GALNT1: variants seen among roughly 807,000 people sequenced by gnomAD.
GALNT1 encodes polypeptide N-acetylgalactosaminyltransferase 1, also known as GalNAc transferase 1.
In GALNT1, 17 loss-of-function variants were observed where a neutral mutation model predicts 65.7. The ratio of observed to expected loss-of-function variants is 0.26; its 90% CI spans 0.18 to 0.39. The LOEUF (loss-of-function observed/expected upper bound fraction) is 0.39, where lower values mean the gene tolerates loss of function less well. Ranked by LOEUF, GALNT1 falls within the 10% of genes least tolerant of loss-of-function variation. GALNT1 has a pLI of 1.00. For missense variants in GALNT1, 460 were observed against 672.8 expected (o/e 0.68, Z 3.50); for synonymous variants, 210 against 219.7 (o/e 0.96, Z 0.39).
chr18:35,640,806 C>G (rs947117174), intron 1 of GALNT1, among the ~76,000 whole-genome samples: 2 of 152,144 alleles, frequency 1.3e-5, no homozygotes, highest in Non-Finnish European at 2.9e-5. Context: ...TATTACACTC[C>G]TTTAGAGAGA....
chr18:35,632,828 T>C (rs1021365083), intron 1 of GALNT1, among the ~76,000 whole-genome samples: 1 of 152,104 alleles, frequency 6.6e-6, no homozygotes, highest in Non-Finnish European at 1.5e-5. Flanking sequence ...ATCCAGAATC[T>C]ACAAAGAACT....
intron 1 of GALNT1, among the ~76,000 whole-genome samples, chr18:35,633,710 G>A (rs2047052108): frequency 6.6e-6 from 1 of 151,910 alleles, no homozygotes; most frequent in Admixed American, 6.6e-5. Context: ...AAAAAATTAT[G>A]TTGATTGGAC....
At chr18:35,597,053 GAA>G (rs1458400023) in intron 1 of GALNT1, 1 of 152,232 alleles carries the variant, frequency 6.6e-6, no homozygotes, top group African/African-American at 2.4e-5. Flanking sequence ...CAGATTAGTG[GAA>G]ACTAAGGCAA....
chr18:35,614,368 A>G (rs562755322), intron 1 of GALNT1, among the ~76,000 whole-genome samples: 1 of 152,346 alleles, frequency 6.6e-6, no homozygotes, highest in East Asian at 1.9e-4. Flanking sequence ...TAAAATATAC[A>G]GAAAAAGAAT....
At chr18:35,613,885 A>C (rs943029398) in intron 1 of GALNT1, among the ~76,000 whole-genome samples, 4 of 152,016 alleles carry the variant, frequency 2.6e-5, no homozygotes, top group African/African-American at 2.4e-5. Context: ...GGAAAAAAAA[A>C]CAACCAAGCC....
chr18:35,604,023 C>T (rs1359074957), intron 1 of GALNT1, among the ~76,000 whole-genome samples: 2 of 152,052 alleles, frequency 1.3e-5, no homozygotes, highest in Admixed American at 6.6e-5. Flanking sequence ...TCTTTCATCA[C>T]CCATGTAGTG....
chr18:35,663,709 A>G lies in GALNT1; in HGVS notation c.221A>G (p.Lys74Arg). ...GTCATTCCTAAAGAGGATCAAGAAAAGATGAAAGAGATGTTTAAAATCAAT... is the reference window on the plus strand; with the variant it reads ...GTCATTCCTAAAGAGGATCAAGAAAGGATGAAAGAGATGTTTAAAATCAAT... ...PVVIPKEDQE[K>R]MKEMFKINQF... The change falls in exon 3 of 12, where the codon AAG (lysine) becomes AGG (arginine). Residue 74 changes from lysine (K) to arginine (R), a missense_variant. By Grantham distance (26) the Lys-to-Arg change is conservative. Coordinates refer to ENST00000269195, the MANE Select transcript of GALNT1 (RefSeq NM_020474.4). The G allele has an allele frequency of 6.2e-7, 1 of 1,614,060 alleles. No individual in the cohort carries two copies. Among genetic ancestry groups the G allele is most frequent in the Non-Finnish European group, 8.5e-7 (1 of 1,179,926 alleles).
intron 9 of GALNT1, among the ~76,000 whole-genome samples, chr18:35,697,554 A>T (rs1000787187): frequency 1.3e-5 from 2 of 152,168 alleles, no homozygotes; most frequent in Non-Finnish European, 2.9e-5. Flanking sequence ...ATCATAAAAC[A>T]CCTTTTTTAT....
intron 1 of GALNT1, among the ~76,000 whole-genome samples, chr18:35,637,403 G>A (rs1199825162): frequency 6.6e-6 from 1 of 152,184 alleles, no homozygotes. Flanking sequence ...TGATAAGAAA[G>A]CAGAACAGCT....
At chr18:35,631,888 T>C (rs2047016795) in intron 1 of GALNT1, among the ~76,000 whole-genome samples, 1 of 152,140 alleles carries the variant, frequency 6.6e-6, no homozygotes, top group African/African-American at 2.4e-5. Flanking sequence ...TGTGCAAAAA[T>C]CACAAGCATT....
chr18:35,604,401 A>G (rs567709940), intron 1 of GALNT1, among the ~76,000 whole-genome samples: 2 of 152,182 alleles, frequency 1.3e-5, no homozygotes, highest in Non-Finnish European at 1.5e-5. Context: ...ATGTGTCTTT[A>G]TGGTAGAATG....
chr18:35,670,548 A>T (rs563541874), intron 3 of GALNT1, among the ~76,000 whole-genome samples: 21 of 152,336 alleles, frequency 1.4e-4, no homozygotes, highest in African/African-American at 4.8e-4. Context: ...CAGACTCCTT[A>T]ATATTATAAA....
intron 1 of GALNT1, chr18:35,597,378 G>A (rs1350556348): frequency 6.6e-6 from 1 of 152,116 alleles, no homozygotes; most frequent in Non-Finnish European, 1.5e-5. Context: ...ATTAGGACGT[G>A]GGGAGAGATG....
At chr18:35,701,491 A>G (rs947021390) in intron 9 of GALNT1, among the ~76,000 whole-genome samples, 2 of 152,240 alleles carry the variant, frequency 1.3e-5, no homozygotes, top group Admixed American at 1.3e-4. Flanking sequence ...AATCTTTTAT[A>G]CAACCTAACA....
At chr18:35,686,985 A>G in intron 5 of GALNT1, 31 bp from the exon 6 acceptor site, 1 of 1,585,570 alleles carries the variant, frequency 6.3e-7, no homozygotes, top group Non-Finnish European at 8.6e-7. Context: ...AATGTTTTGA[A>G]AGATTTCTTA....
At chr18:35,669,842 G>A (rs1021309667) in intron 3 of GALNT1, among the ~76,000 whole-genome samples, 2 of 152,090 alleles carry the variant, frequency 1.3e-5, no homozygotes, top group Non-Finnish European at 2.9e-5. Flanking sequence ...GTGTAAGGAG[G>A]CAAGCAAAAG....
intron 7 of GALNT1, among the ~76,000 whole-genome samples, chr18:35,689,582 T>C (rs1750256588): frequency 6.6e-6 from 1 of 152,170 alleles, no homozygotes; most frequent in Admixed American, 6.5e-5. Flanking sequence ...AGCTAATATA[T>C]AGTTTGGATA....
At chr18:35,673,786 C>T (rs756515046) in intron 3 of GALNT1, among the ~76,000 whole-genome samples, 2 of 152,086 alleles carry the variant, frequency 1.3e-5, no homozygotes, top group African/African-American at 2.4e-5. Flanking sequence ...AAATACCAAG[C>T]GACTTCTGTA....
chr18:35,629,197 G>A (rs962646225), intron 1 of GALNT1, among the ~76,000 whole-genome samples: 4 of 152,134 alleles, frequency 2.6e-5, no homozygotes, highest in Non-Finnish European at 5.9e-5. Context: ...CCAACATTCA[G>A]ATTCAGGAAA....
Sources: allele counts gnomAD v4.1 joint callset (sites outside exome capture counted in the v4.1 genomes callset), GRCh38; gene constraint gnomAD v4.1.1; transcripts MANE v1.5; gene names NCBI Gene and HGNC (gene_info 2026-07-23, HGNC 2026-07-21).